Variants in STS observed in about 807,000 individuals in gnomAD.
The protein encoded by STS is steryl-sulfatase.
A neutral mutation model predicts 26.8 loss-of-function variants in STS; 7 were observed. The observed-to-expected ratio is 0.26, with a 90% CI of 0.15 to 0.49. The LOEUF is 0.49. Ranked by LOEUF, STS falls within the 20% of genes least tolerant of loss-of-function variation. STS has a pLI of 0.98. For missense variants in STS, 434 were observed against 465.6 expected, an observed-to-expected ratio of 0.93 and a Z score of 0.63; for synonymous variants, 199 against 189.4, an observed-to-expected ratio of 1.05 and a Z score of -0.42.
intron 6 of STS, among the ~76,000 whole-genome samples, chrX:7,266,201 G>A (rs1394777943): frequency 1.8e-5 from 2 of 111,565 alleles, no homozygotes; most frequent in Non-Finnish European, 3.8e-5. Flanking sequence ...GTACACAGCT[G>A]CTTCTCAGTT....
rs1305618065 is a variant in STS, at chrX:7,350,546, G to A, written c.*285G>A. On this transcript the variant is annotated 3_prime_UTR_variant, in exon 11 of 11. Coordinates refer to ENST00000674429, the MANE Select transcript of STS (RefSeq NM_001320752.2). ...AGAATGAATAGAGGGGCATTCACAAGGCACACCAGTGCAAGCAGATGACAA... is the reference window on the plus strand; with the variant it reads ...AGAATGAATAGAGGGGCATTCACAAAGCACACCAGTGCAAGCAGATGACAA... 22 of 350,244 alleles carry A rather than the reference G, an allele frequency of 6.3e-5. No individual in the cohort carries two copies. Among genetic ancestry groups the A allele is most frequent in the Non-Finnish European group, 9.4e-5 (19 of 202,701 alleles). 28.9% of individuals were successfully genotyped at this position (350,244 alleles called of 1,213,427 possible). A position where few individuals can be genotyped will look rare whatever the true frequency, so the allele number is the denominator to read the frequency against.
chrX:7,285,740 A>G (rs756543280), intron 7 of STS, among the ~76,000 whole-genome samples: 46 of 112,215 alleles, frequency 4.1e-4, no homozygotes, highest in Non-Finnish European at 6.4e-4. Context: ...AAAATTACAC[A>G]TACCACATTA....
intron 1 of STS, among the ~76,000 whole-genome samples, chrX:7,166,041 T>G (rs2146993240): frequency 9.5e-6 from 1 of 105,561 alleles, no homozygotes; most frequent in African/African-American, 3.5e-5. Flanking sequence ...AGGGTCTTGC[T>G]CTGTCATCCA....
intron 2 of STS, among the ~76,000 whole-genome samples, chrX:7,249,428 T>TATCCTTATC (rs1265711486): frequency 5.4e-5 from 6 of 111,596 alleles, no homozygotes; most frequent in Non-Finnish European, 1.1e-4. Flanking sequence ...TGGAGCTCAG[T>TATCCTTATC]ATCCTTATCA....
chrX:7,325,267 G>C (rs1182622778), intron 8 of STS, 72 bp from the exon 9 acceptor site: 16 of 1,094,146 alleles, frequency 1.5e-5, no homozygotes, highest in East Asian at 3.1e-5. Flanking sequence ...GAGCACGAAA[G>C]AGTCCATTGA....
chrX:7,300,447 A>G (rs193245925), intron 7 of STS, among the ~76,000 whole-genome samples: 1 of 112,070 alleles, frequency 8.9e-6, no homozygotes, highest in Non-Finnish European at 1.9e-5. Flanking sequence ...ATACAGCAGC[A>G]TTTGTTCTCA....
chrX:7,151,267 C>T (rs779681321), intron 1 of STS, among the ~76,000 whole-genome samples: 2 of 111,860 alleles, frequency 1.8e-5, no homozygotes, highest in South Asian at 7.6e-4. Flanking sequence ...CCACTTTGCC[C>T]TGTTATTCTC....
At chrX:7,151,238 G>T (rs1226815324) in intron 1 of STS, among the ~76,000 whole-genome samples, 1 of 112,074 alleles carries the variant, frequency 8.9e-6, no homozygotes, top group Non-Finnish European at 1.9e-5. Context: ...CCAGTCTGCT[G>T]TATCTGTTTT....
At chrX:7,320,008 A>ATT (rs1926914819) in intron 8 of STS, among the ~76,000 whole-genome samples, 2 of 87,573 alleles carry the variant, frequency 2.3e-5, no homozygotes. Context: ...ATTTTTATAT[A>ATT]TATATTTATA....
chrX:7,255,819 T>C (rs1923379982), intron 3 of STS, among the ~76,000 whole-genome samples: 1 of 112,231 alleles, frequency 8.9e-6, no homozygotes, highest in African/African-American at 3.2e-5. Context: ...TAATAAATGG[T>C]CACTAGTTTG....
intron 3 of STS, among the ~76,000 whole-genome samples, chrX:7,257,039 G>A (rs1226100611): frequency 8.0e-5 from 9 of 111,924 alleles, no homozygotes; most frequent in African/African-American, 1.6e-4. Context: ...ATCACTTGAG[G>A]TCAGGAGTTT....
chrX:7,307,018 G>A (rs1034461865), intron 8 of STS, among the ~76,000 whole-genome samples: 2 of 111,033 alleles, frequency 1.8e-5, no homozygotes, highest in Non-Finnish European at 3.8e-5. Flanking sequence ...CCCTATGACC[G>A]GCTGAGCACC....
intron 10 of STS, among the ~76,000 whole-genome samples, chrX:7,346,618 C>T (rs1928539306): frequency 8.9e-6 from 1 of 111,773 alleles, no homozygotes; most frequent in African/African-American, 3.3e-5. Context: ...GAGGGAGAAA[C>T]AGTCTTTTAT....
At chrX:7,261,652 A>G (rs1923755183) in intron 6 of STS, among the ~76,000 whole-genome samples, 5 of 111,826 alleles carry the variant, frequency 4.5e-5, no homozygotes, top group Admixed American at 2.9e-4. Flanking sequence ...TCTTCCAGTT[A>G]TGAAACAGCA....
chrX:7,297,334 A>G (rs1007984673), intron 7 of STS, among the ~76,000 whole-genome samples: 3 of 108,707 alleles, frequency 2.8e-5, no homozygotes, highest in Admixed American at 1.0e-4. Context: ...TAGCATGGTC[A>G]TGAATTAGCC....
At chrX:7,323,552 T>G (rs1927173976) in intron 8 of STS, among the ~76,000 whole-genome samples, 1 of 111,858 alleles carries the variant, frequency 8.9e-6, no homozygotes, top group South Asian at 3.7e-4. Context: ...AAGGACAATA[T>G]TTTGTTCTTT....
chrX:7,181,017 A>G (rs1933670087), intron 1 of STS, among the ~76,000 whole-genome samples: 1 of 112,079 alleles, frequency 8.9e-6, no homozygotes, highest in Non-Finnish European at 1.9e-5. Flanking sequence ...TTTAATGCCC[A>G]TTAAAGGAAC....
chrX:7,237,766 C>A (rs1373790521), intron 2 of STS, among the ~76,000 whole-genome samples: 2 of 110,493 alleles, frequency 1.8e-5, no homozygotes, highest in Non-Finnish European at 3.8e-5. Context: ...TTTTAGTGTA[C>A]CCATTGCCCC....
chrX:7,268,183 A>G (rs754140047), intron 6 of STS, among the ~76,000 whole-genome samples: 2 of 111,869 alleles, frequency 1.8e-5, no homozygotes, highest in Admixed American at 9.5e-5. Flanking sequence ...ACCATTTCCT[A>G]TGGTCTGTAC....
Sources: allele counts gnomAD v4.1 joint callset (sites outside exome capture counted in the v4.1 genomes callset), GRCh38; gene constraint gnomAD v4.1.1; transcripts MANE v1.5; gene names NCBI Gene and HGNC (gene_info 2026-07-23, HGNC 2026-07-21).